TBC1D23: variants seen among roughly 807,000 people sequenced by gnomAD.
TBC1D23 encodes TBC1 domain family member 23, also known as HCV non-structural protein 4A-transactivated protein 1.
TBC1D23 carries 55 observed loss-of-function variants against 91.4 expected under a neutral mutation model. The ratio of observed to expected loss-of-function variants is 0.60; its 90% CI spans 0.48 to 0.75. The LOEUF (loss-of-function observed/expected upper bound fraction) is 0.75, where lower values mean the gene tolerates loss of function less well. Ranked by LOEUF, TBC1D23 falls within the 30% of genes least tolerant of loss-of-function variation. The pLI, the probability that TBC1D23 is intolerant of heterozygous loss-of-function variation, is 0.00. For missense variants in TBC1D23, 725 were observed against 836.1 expected (o/e 0.87, Z 1.64); for synonymous variants, 289 against 281.0 (o/e 1.03, Z -0.28).
chr3:100,320,650 T>G, intron 17 of TBC1D23, 127 bp from the exon 18 acceptor site: 1 of 515,908 alleles, frequency 1.9e-6, no homozygotes, highest in Non-Finnish European at 3.2e-6. Context: ...AACCTCTGTT[T>G]ATATCTTTTA....
At chr3:100,306,323 T>C (rs1165911951) in intron 12 of TBC1D23, 114 bp from the exon 13 acceptor site, 5 of 622,976 alleles carry the variant, frequency 8.0e-6, no homozygotes, top group African/African-American at 5.6e-5. Context: ...TGTGATTATT[T>C]CCTTCAGTCC....
chr3:100,306,369 T>C (rs557758834), intron 12 of TBC1D23, 68 bp from the exon 13 acceptor site: 1 of 844,506 alleles, frequency 1.2e-6, no homozygotes, highest in African/African-American at 1.7e-5. Context: ...TTGTATTTCG[T>C]TGGTAATGAA....
intron 3 of TBC1D23, among the ~76,000 whole-genome samples, chr3:100,282,434 T>C (rs1415592245): frequency 6.6e-6 from 1 of 152,270 alleles, no homozygotes; most frequent in Non-Finnish European, 1.5e-5. Flanking sequence ...AAGATCTATA[T>C]GATTGTATGC....
chr3:100,315,995 GT>G, intron 15 of TBC1D23, 103 bp from the exon 16 acceptor site: 1 of 908,608 alleles, frequency 1.1e-6, no homozygotes, highest in Non-Finnish European at 1.8e-6. Flanking sequence ...GGGGGGTCAG[GT>G]AAGGAATAAT....
Position 100,298,037 on chromosome 3 carries a change from C to T in TBC1D23, c.991C>T (p.Leu331=), listed in dbSNP as rs759658677. The T allele has an allele frequency of 6.2e-7, 1 of 1,613,226 alleles. No homozygotes were observed. Among genetic ancestry groups the T allele is most frequent in the East Asian group, 2.2e-5 (1 of 44,830 alleles). Reference sequence around the variant, plus strand: ...GTCAGAGATCCTTCAAGCGAATCAGCTACAAGGGGTAAGTAAAGGAAACCC... The same window carrying T: ...GTCAGAGATCCTTCAAGCGAATCAGTTACAAGGGGTAAGTAAAGGAAACCC... ...SVSEILQANQ[L]QGEGVRFFVV... The change falls in exon 9 of 19, where the codon CTA becomes TTA. Residue 331 remains leucine (L), a synonymous_variant. Coordinates refer to ENST00000394144, the MANE Select transcript of TBC1D23 (RefSeq NM_001199198.3).
intron 16 of TBC1D23, among the ~76,000 whole-genome samples, chr3:100,317,299 A>G (rs1477243818): frequency 1.3e-5 from 2 of 152,144 alleles, no homozygotes; most frequent in African/African-American, 4.8e-5. Context: ...TTTTCCAGTT[A>G]GTAATAAATA....
chr3:100,301,272 C>CAA (rs71697646), intron 10 of TBC1D23, among the ~76,000 whole-genome samples: 49,665 of 112,716 alleles, frequency 0.44, 10,578 homozygotes, highest in South Asian at 0.54. Flanking sequence ...GATTCCGTCT[C>CAA]AAAAAAAAAA....
In TBC1D23 at chr3:100,265,403, G is replaced by A. The variant is rs2067550000; in HGVS notation, c.53+4332G>A. Among the ~76,000 whole-genome samples the A allele has an allele frequency of 2.6e-5, 4 of 152,326 alleles. No individual in the cohort carries two copies. The South Asian group carries it at 6.2e-4, about 24-fold the overall frequency. The stretch of plus-strand genomic sequence containing the variant: ...ATTCAGCCATGTAAGCTCAAAGGGT[G>A]TGGTGAAATTCTTGTAAAAATGCTT... On this transcript the variant is annotated intron_variant, in intron 1 of 18. Coordinates refer to ENST00000394144, the MANE Select transcript of TBC1D23 (RefSeq NM_001199198.3).
At chr3:100,288,488 C>G (rs1010417070) in intron 4 of TBC1D23, among the ~76,000 whole-genome samples, 3 of 152,122 alleles carry the variant, frequency 2.0e-5, no homozygotes, top group Non-Finnish European at 4.4e-5. Context: ...CTTCAGTGAG[C>G]TACCTGACTT....
intron 4 of TBC1D23, among the ~76,000 whole-genome samples, chr3:100,285,368 A>G (rs2067731424): frequency 6.6e-6 from 1 of 152,096 alleles, no homozygotes; most frequent in Non-Finnish European, 1.5e-5. Context: ...ACTGCCTTTA[A>G]TGTTTAGCAT....
chr3:100,290,586 C>T lies in TBC1D23; in HGVS notation c.485C>T (p.Ser162Phe), dbSNP rs770511954. The part of the protein sequence containing the change: ...IMNKYIPRDC[S>F]QKGRPFHLFR... Reference sequence around the variant, plus strand: ...CTTCTCTTGTCTTCTAGGGATTGTTCCCAGAAAGGGAGACCATTTCATCTC... The same window carrying T: ...CTTCTCTTGTCTTCTAGGGATTGTTTCCAGAAAGGGAGACCATTTCATCTC... Residue 162 changes from serine (S) to phenylalanine (F), a missense_variant, in exon 5 of 19, where the codon TCC becomes TTC. By Grantham distance (155) the Ser-to-Phe change is radical. Transcript: ENST00000394144. The T allele has an allele frequency of 3.1e-6, 5 of 1,613,154 alleles. No homozygotes were observed. In the African/African-American group the frequency reaches 6.7e-5, roughly 22 times the overall value.
intron 2 of TBC1D23, among the ~76,000 whole-genome samples, chr3:100,281,019 G>A (rs140542088): frequency 2.6e-4 from 40 of 152,200 alleles, no homozygotes; most frequent in African/African-American, 9.4e-4. Context: ...AATTAGCTGG[G>A]CGTGGTGGTG....
intron 4 of TBC1D23, among the ~76,000 whole-genome samples, chr3:100,285,063 C>T (rs2067728358): frequency 6.6e-6 from 1 of 152,154 alleles, no homozygotes; most frequent in South Asian, 2.1e-4. Flanking sequence ...GTATGGTTCT[C>T]TACCCTGGTT....
intron 1 of TBC1D23, among the ~76,000 whole-genome samples, chr3:100,274,939 AC>A (rs1235633561): frequency 2.1e-5 from 3 of 143,140 alleles, no homozygotes; most frequent in African/African-American, 7.6e-5. Flanking sequence ...GTGAACGGAC[AC>A]TTGGGTTGCA....
At chr3:100,292,500 G>C (rs1162105659) in intron 5 of TBC1D23, among the ~76,000 whole-genome samples, 1 of 152,158 alleles carries the variant, frequency 6.6e-6, no homozygotes, top group African/African-American at 2.4e-5. Context: ...TCAGGAAATG[G>C]GTAATTGGAG....
intron 16 of TBC1D23, 77 bp from the exon 17 acceptor site, chr3:100,318,992 A>T (rs1705803461): frequency 1.0e-6 from 1 of 984,068 alleles, no homozygotes; most frequent in Non-Finnish European, 1.5e-6. Flanking sequence ...TACTACTGAA[A>T]TTTTTTTAGA....
chr3:100,314,115 T>TG (rs1705683703), intron 15 of TBC1D23, among the ~76,000 whole-genome samples: 1 of 147,658 alleles, frequency 6.8e-6, no homozygotes, highest in African/African-American at 2.5e-5. Context: ...TTTTTTTTTT[T>TG]TGTGACCGAG....
intron 15 of TBC1D23, among the ~76,000 whole-genome samples, chr3:100,313,728 ATAATC>A (rs1298984449): frequency 7.2e-5 from 11 of 152,092 alleles, no homozygotes; most frequent in African/African-American, 1.7e-4. Context: ...GAGAAAACTT[ATAATC>A]TAATCTATAT....
At chr3:100,291,143 T>C (rs2067786575) in intron 5 of TBC1D23, among the ~76,000 whole-genome samples, 1 of 152,210 alleles carries the variant, frequency 6.6e-6, no homozygotes, top group Admixed American at 6.5e-5. Flanking sequence ...TAAAAGAATA[T>C]AAAGTATAAC....
Sources: allele counts gnomAD v4.1 joint callset (sites outside exome capture counted in the v4.1 genomes callset), GRCh38; gene constraint gnomAD v4.1.1; transcripts MANE v1.5; gene names NCBI Gene and HGNC (gene_info 2026-07-23, HGNC 2026-07-21).